Variants in P2RY14 observed in about 807,000 individuals in gnomAD.
P2RY14 encodes purinergic receptor P2Y14, also known as P2Y purinoceptor 14.
In P2RY14, 2 loss-of-function variants were observed where a neutral mutation model predicts 0.9. The observed-to-expected ratio is 2.16, with a 90% CI of 0.88 to 6.79. The LOEUF is 6.79. Among genes scored for constraint, P2RY14 ranks in the 30% most tolerant of loss-of-function variants. The pLI is 0.05. For missense variants in P2RY14, 378 were observed against 400.1 expected, an observed-to-expected ratio of 0.94 and a Z score of 0.47; for synonymous variants, 158 against 147.2, an observed-to-expected ratio of 1.07 and a Z score of -0.53.
At chr3:151,234,319 T>A (rs1356628952) in intron 1 of P2RY14, among the ~76,000 whole-genome samples, 1 of 152,234 alleles carries the variant, frequency 6.6e-6, no homozygotes, top group Non-Finnish European at 1.5e-5. Context: ...TAATCCTGTT[T>A]TATACTGGAG....
chr3:151,239,315 A>C (rs928727926), intron 1 of P2RY14, among the ~76,000 whole-genome samples: 1 of 152,238 alleles, frequency 6.6e-6, no homozygotes, highest in Admixed American at 6.5e-5. Context: ...TATTGCAATC[A>C]TGCTTTAAAA....
chr3:151,248,092 A>C (rs1736088858), intron 1 of P2RY14, among the ~76,000 whole-genome samples: 1 of 151,648 alleles, frequency 6.6e-6, no homozygotes, highest in Non-Finnish European at 1.5e-5. Flanking sequence ...GAAAAACTAC[A>C]CAATAATATT....
At chr3:151,240,602 AGTT>A (rs2149377210) in intron 1 of P2RY14, among the ~76,000 whole-genome samples, 1 of 152,156 alleles carries the variant, frequency 6.6e-6, no homozygotes, top group African/African-American at 2.4e-5. Context: ...ATTCAAATCT[AGTT>A]GTTTATCTTT....
intron 1 of P2RY14, among the ~76,000 whole-genome samples, chr3:151,222,975 A>G (rs1729684010): frequency 6.6e-6 from 1 of 152,090 alleles, no homozygotes; most frequent in South Asian, 2.1e-4. Context: ...GGTATTTTAT[A>G]CCTATTTGAG....
intron 1 of P2RY14, among the ~76,000 whole-genome samples, chr3:151,222,087 G>C (rs1559896725): frequency 6.6e-6 from 1 of 152,228 alleles, no homozygotes; most frequent in Non-Finnish European, 1.5e-5. Context: ...CTGTCCTGCT[G>C]GATTTTGGAC....
At chr3:151,248,233 A>G (rs1028596410) in intron 1 of P2RY14, among the ~76,000 whole-genome samples, 1 of 152,100 alleles carries the variant, frequency 6.6e-6, no homozygotes, top group Non-Finnish European at 1.5e-5. Context: ...ACTAATAAAA[A>G]ATAAAACAGC....
chr3:151,218,240 G>A (rs912872176), intron 2 of P2RY14, among the ~76,000 whole-genome samples: 1 of 152,122 alleles, frequency 6.6e-6, no homozygotes, highest in Non-Finnish European at 1.5e-5. Context: ...TCCCTTCCCT[G>A]CCCACTTCTC....
At chr3:151,234,775 G>T (rs1732389186) in intron 1 of P2RY14, among the ~76,000 whole-genome samples, 1 of 152,140 alleles carries the variant, frequency 6.6e-6, no homozygotes, top group Admixed American at 6.5e-5. Context: ...GAGAAGCCTG[G>T]CATAAGTGAT....
At chr3:151,240,050 TG>T (rs1393362072) in intron 1 of P2RY14, among the ~76,000 whole-genome samples, 195 of 139,910 alleles carry the variant, frequency 1.4e-3, no homozygotes, top group South Asian at 4.3e-3. Flanking sequence ...TTTTTTTTTT[TG>T]TGTGTGTGTG....
At chr3:151,241,884 C>G (rs1734178006) in intron 1 of P2RY14, 1 of 153,386 alleles carries the variant, frequency 6.5e-6, no homozygotes, top group African/African-American at 2.4e-5. Flanking sequence ...GGGTTCATCT[C>G]ACTAGGGAGT....
chr3:151,230,213 A>T (rs1174441506), intron 1 of P2RY14, among the ~76,000 whole-genome samples: 1 of 152,116 alleles, frequency 6.6e-6, no homozygotes, highest in Non-Finnish European at 1.5e-5. Context: ...TGACCTTGTG[A>T]TCCGCAAGTC....
At chr3:151,229,181 T>C (rs1731114071) in intron 1 of P2RY14, among the ~76,000 whole-genome samples, 1 of 152,232 alleles carries the variant, frequency 6.6e-6, no homozygotes, top group Non-Finnish European at 1.5e-5. Context: ...CAGAAGTGAT[T>C]CCCATATACT....
chr3:151,275,724 TAA>T (rs1219052035), intron 1 of P2RY14, among the ~76,000 whole-genome samples: 1 of 152,192 alleles, frequency 6.6e-6, no homozygotes, highest in African/African-American at 2.4e-5. Flanking sequence ...GAAAATTTAG[TAA>T]AGAGGGTTTT....
intron 1 of P2RY14, among the ~76,000 whole-genome samples, chr3:151,247,618 C>G (rs57035412): frequency 0.52 from 55,535 of 106,158 alleles, 12,910 homozygotes; most frequent in Middle Eastern, 0.68. Context: ...GTTGTGGGGT[C>G]GGGGAGGGGG....
intron 1 of P2RY14, among the ~76,000 whole-genome samples, chr3:151,222,941 T>C (rs1729673542): frequency 6.6e-6 from 1 of 152,184 alleles, no homozygotes; most frequent in African/African-American, 2.4e-5. Flanking sequence ...TTCCCATCTT[T>C]ATGGTCTCTT....
At chr3:151,229,518 G>A (rs1317443719) in intron 1 of P2RY14, among the ~76,000 whole-genome samples, 14 of 114,968 alleles carry the variant, frequency 1.2e-4, no homozygotes, top group Admixed American at 3.7e-4. Flanking sequence ...TCACTTTGTC[G>A]CCCAGGCTGG....
At chr3:151,229,477 T>A (rs1327932460) in intron 1 of P2RY14, among the ~76,000 whole-genome samples, 1 of 49,954 alleles carries the variant, frequency 2.0e-5, no homozygotes, top group Non-Finnish European at 5.0e-5. Context: ...CGGCTAATTT[T>A]TTTTTTTTTT....
intron 1 of P2RY14, among the ~76,000 whole-genome samples, chr3:151,254,780 T>C (rs1284204768): frequency 6.6e-6 from 1 of 152,234 alleles, no homozygotes; most frequent in Non-Finnish European, 1.5e-5. Context: ...TGTGTTACAT[T>C]TCACCGGAGA....
Position 151,255,254 on chromosome 3 carries a change from T to A in P2RY14, c.-133+23033A>T, listed in dbSNP as rs969179479. Among the ~76,000 whole-genome samples, 16 of 152,224 alleles carry A rather than the reference T, an allele frequency of 1.1e-4. 1 individual carries two copies. Among genetic ancestry groups the A allele is most frequent in the South Asian group, 8.3e-4 (4 of 4,820 alleles). On this transcript the variant is annotated intron_variant, in intron 1 of 2. Transcript: ENST00000309170. ...TGTGAGAGGGATACAGTGACTTCCA[T>A]TTGTTTGTAAAAATGCTGTTTTGGG...
Sources: gnomAD v4.1 joint callset for allele counts (sites outside exome capture counted in the v4.1 genomes callset) on GRCh38, gnomAD v4.1.1 for gene constraint, MANE v1.5 for transcripts, NCBI Gene and HGNC (gene_info 2026-07-23, HGNC 2026-07-21) for gene names.